NRXN3: variants seen among roughly 807,000 people sequenced by gnomAD.
NRXN3 encodes the protein neurexin III.
NRXN3 carries 32 observed loss-of-function variants against 137.6 expected under a neutral mutation model. The observed-to-expected ratio is 0.23, with a 90% CI of 0.18 to 0.31. NRXN3 has a LOEUF of 0.31. Among genes scored for constraint, NRXN3 ranks in the 10% least tolerant of loss-of-function variants. The pLI is 1.00. For synonymous variants in NRXN3, 798 were observed against 784.5 expected (o/e 1.02, Z -0.29); for missense variants, 1,574 against 2,062.5 (o/e 0.76, Z 4.59).
chr14:78,906,225 A>G (rs1423739698), intron 10 of NRXN3, among the ~76,000 whole-genome samples: 1 of 152,104 alleles, frequency 6.6e-6, no homozygotes, highest in Non-Finnish European at 1.5e-5. Context: ...CTGCAAATTC[A>G]TCAAAGGCTA....
At chr14:79,850,411 G>A (rs928194019) in intron 20 of NRXN3, among the ~76,000 whole-genome samples, 1 of 152,148 alleles carries the variant, frequency 6.6e-6, no homozygotes. Context: ...CAGAGAGGAG[G>A]GTTTGCAACT....
At chr14:78,292,607 AT>A (rs944934872) in intron 3 of NRXN3, among the ~76,000 whole-genome samples, 1 of 152,168 alleles carries the variant, frequency 6.6e-6, no homozygotes, top group African/African-American at 2.4e-5. Flanking sequence ...TTTTGTAATT[AT>A]TTTTTAAAAA....
chr14:78,192,065 A>AGTGTGTGTGTGT (rs34445474), intron 1 of NRXN3, among the ~76,000 whole-genome samples: 4 of 142,860 alleles, frequency 2.8e-5, no homozygotes, highest in African/African-American at 1.0e-4. Context: ...GCTGCCCGAA[A>AGTGTGTGTGTGT]GTGTGTGTGT....
chr14:78,807,277 G>C (rs1045918793), intron 9 of NRXN3, among the ~76,000 whole-genome samples: 4 of 152,224 alleles, frequency 2.6e-5, no homozygotes, highest in Non-Finnish European at 5.9e-5. Flanking sequence ...AGACTCTGAG[G>C]GAGTGGCATG....
intron 4 of NRXN3, among the ~76,000 whole-genome samples, chr14:78,641,586 G>A (rs531999892): frequency 3.3e-5 from 5 of 152,292 alleles, no homozygotes; most frequent in African/African-American, 9.6e-5. Flanking sequence ...TGTAGGATAC[G>A]ATTCAGAGAG....
At chr14:78,356,689 G>A (rs142260910) in intron 4 of NRXN3, among the ~76,000 whole-genome samples, 17 of 152,350 alleles carry the variant, frequency 1.1e-4, no homozygotes, top group Non-Finnish European at 1.6e-4. Flanking sequence ...AGAGTGGGCA[G>A]TTTTTGGCAA....
intron 19 of NRXN3, among the ~76,000 whole-genome samples, chr14:79,751,842 G>T (rs1313358439): frequency 6.6e-6 from 1 of 151,926 alleles, no homozygotes; most frequent in South Asian, 2.1e-4. Context: ...TGTGGTTTTT[G>T]TCTTTGGTTC....
In NRXN3 at chr14:79,757,248, A is replaced by AAGAT. The variant is rs557846788; in HGVS notation, c.4015-47861_4015-47858dup. Reference sequence around the variant, plus strand: ...AACGTATTCAGATGGAAAGCAAATAAAGATAGTTGTAAAATGAGGACACAA... The same window carrying AAGAT: ...AACGTATTCAGATGGAAAGCAAATAAAGATAGATAGTTGTAAAATGAGGACACAA... On this transcript the variant is annotated intron_variant, in intron 19 of 20. Coordinates refer to ENST00000335750, the MANE Select transcript of NRXN3 (RefSeq NM_001330195.2). 1.2e-4 allele frequency among the ~76,000 whole-genome samples: 18 copies of AAGAT among 151,748 alleles called. No homozygotes were observed. In the South Asian group the frequency reaches 2.5e-3, roughly 21 times the overall value.
At chr14:79,685,920 A>G (rs1482995707) in intron 17 of NRXN3, among the ~76,000 whole-genome samples, 1 of 152,206 alleles carries the variant, frequency 6.6e-6, no homozygotes, top group Non-Finnish European at 1.5e-5. Context: ...AGGGGCATGA[A>G]CATTCGGATA....
At position 79,866,808 on chromosome 14, in the gene NRXN3, G is replaced by A. The variant is rs1435147659; in HGVS notation, c.*4844G>A. 6.6e-6 allele frequency: 1 copy of A among 152,196 alleles called. No homozygotes were observed. 9.4% of individuals were successfully genotyped at this position (152,196 alleles called of 1,614,324 possible). Reference sequence around the variant, plus strand: ...AATCTTCTTGGAGAGAATGGGATCAGAAACTGACATATTGCTACAGAGGTT... The same window carrying A: ...AATCTTCTTGGAGAGAATGGGATCAAAAACTGACATATTGCTACAGAGGTT... On this transcript the variant is annotated 3_prime_UTR_variant, in exon 21 of 21. Coordinates refer to ENST00000335750, the MANE Select transcript of NRXN3 (RefSeq NM_001330195.2).
At chr14:79,753,417 G>A (rs2099005893) in intron 19 of NRXN3, among the ~76,000 whole-genome samples, 1 of 151,750 alleles carries the variant, frequency 6.6e-6, no homozygotes, top group African/African-American at 2.4e-5. Flanking sequence ...CATGTCCTTT[G>A]TAGGGACATG....
intron 10 of NRXN3, among the ~76,000 whole-genome samples, chr14:78,914,780 A>G (rs935129741): frequency 1.3e-5 from 2 of 152,112 alleles, no homozygotes. Flanking sequence ...AAGAAGAGTG[A>G]CACGATCTGT....
chr14:78,862,041 C>T (rs2099073820), intron 10 of NRXN3, among the ~76,000 whole-genome samples: 1 of 152,082 alleles, frequency 6.6e-6, no homozygotes, highest in Non-Finnish European at 1.5e-5. Context: ...TCCAGTTGTA[C>T]TAGTAAACAA....
At position 78,278,666 on chromosome 14, in the gene NRXN3, A is replaced by C; in HGVS notation, c.727+4A>C. 1 of 1,534,970 alleles carries C rather than the reference A, an allele frequency of 6.5e-7. No homozygotes were observed. The highest frequency in any genetic ancestry group is 8.7e-7 in the Non-Finnish European group (1 of 1,146,352). On this transcript the variant is annotated splice_donor_region_variant and intron_variant, in intron 3 of 20. Coordinates refer to ENST00000335750, the MANE Select transcript of NRXN3 (RefSeq NM_001330195.2). ...ACAGATGTCAGTCAAGATCCAGGTG[A>C]GTCTTTGTGTTTGCACAGCTGCTGT...
rs201065499 is a variant in NRXN3 at position 79,772,096 on chromosome 14, A to T, written c.4015-33016A>T. On this transcript the variant is annotated intron_variant, in intron 19 of 20. Transcript: ENST00000335750. ...GATGTGAAGGACCTCTTCAAGGAGAACTACAAACCACTGCTCAAGGGAATA... is the reference window on the plus strand; with the variant it reads ...GATGTGAAGGACCTCTTCAAGGAGATCTACAAACCACTGCTCAAGGGAATA... Among the ~76,000 whole-genome samples the T allele has an allele frequency of 2.3e-3, 349 of 150,148 alleles. 12 individuals carry two copies. In the East Asian group the frequency reaches 0.044, roughly 19 times the overall value.
At chr14:78,714,531 C>G (rs1480959823) in intron 7 of NRXN3, among the ~76,000 whole-genome samples, 1 of 152,206 alleles carries the variant, frequency 6.6e-6, no homozygotes, top group African/African-American at 2.4e-5. Context: ...TGTTAGGTCA[C>G]TGAGATTTTT....
chr14:79,692,093 A>T, intron 17 of NRXN3, 80 bp from the exon 18 acceptor site: 1 of 1,119,660 alleles, frequency 8.9e-7, no homozygotes, highest in Non-Finnish European at 1.3e-6. Context: ...TTCATAAAAC[A>T]AACCAAAAAA....
At chr14:79,618,339 C>T (rs1000265336) in intron 16 of NRXN3, among the ~76,000 whole-genome samples, 6 of 151,924 alleles carry the variant, frequency 3.9e-5, no homozygotes, top group Admixed American at 1.3e-4. Flanking sequence ...CAAGCCTCAA[C>T]CCTTCCCTCC....
intron 15 of NRXN3, among the ~76,000 whole-genome samples, chr14:79,447,361 A>T (rs2096078660): frequency 6.6e-6 from 1 of 152,242 alleles, no homozygotes; most frequent in Non-Finnish European, 1.5e-5. Flanking sequence ...AAAAAAAAAT[A>T]AAATAAATGG....
Sources: allele counts gnomAD v4.1 joint callset (sites outside exome capture counted in the v4.1 genomes callset), GRCh38; gene constraint gnomAD v4.1.1; transcripts MANE v1.5; gene names NCBI Gene and HGNC (gene_info 2026-07-23, HGNC 2026-07-21).